Variants in GRIK3 observed in about 807,000 individuals in gnomAD.
The protein encoded by GRIK3 is glutamate receptor ionotropic, kainate 3.
A neutral mutation model predicts 102.5 loss-of-function variants in GRIK3; 29 were observed. That is an observed-to-expected ratio of 0.28 (90% CI 0.21 to 0.39). The LOEUF is 0.39. GRIK3 is among the 10% of genes least tolerant of loss of function. The probability of loss-of-function intolerance (pLI) is 1.00; values close to 1 mark genes in which losing one functional copy is unlikely to be tolerated. For synonymous variants in GRIK3, 511 were observed against 504.9 expected (o/e 1.01, Z -0.16); for missense variants, 908 against 1,252.4 (o/e 0.73, Z 4.15).
rs1195514120 is a variant in GRIK3, at chr1:36,859,135, G to A, written c.1077C>T (p.Gly359=). The A allele has an allele frequency of 3.1e-6, 5 of 1,611,702 alleles. No individual in the cohort carries two copies. The highest frequency in any genetic ancestry group is 2.2e-5 in the East Asian group (1 of 44,808). The change falls in exon 7 of 16, where the codon GGC becomes GGT. Residue 359 remains glycine (G), a synonymous_variant. Coordinates refer to ENST00000373091, the MANE Select transcript of GRIK3 (RefSeq NM_000831.4). The part of the protein sequence containing the change: ...QCHRHKAWRF[G]GRFMNFIKEA... Reference sequence around the variant, plus strand: ...CCTTGATGAAGTTCATGAAGCGGCCGCCAAAGCGCCAGGCCTTGTGCCGAT... The same window carrying A: ...CCTTGATGAAGTTCATGAAGCGGCCACCAAAGCGCCAGGCCTTGTGCCGAT...
At chr1:36,826,550 C>T (rs182802240) in intron 10 of GRIK3, among the ~76,000 whole-genome samples, 15 of 152,098 alleles carry the variant, frequency 9.9e-5, no homozygotes, top group Non-Finnish European at 1.5e-4. Context: ...TGCCTGTAGT[C>T]CCAGCTACTT....
At chr1:37,032,962 C>A (rs904847157) in intron 1 of GRIK3, among the ~76,000 whole-genome samples, 10 of 152,168 alleles carry the variant, frequency 6.6e-5, no homozygotes, top group African/African-American at 2.4e-4. Flanking sequence ...TCGGCGGAGT[C>A]CGGCTCGCCT....
intron 1 of GRIK3, among the ~76,000 whole-genome samples, chr1:36,954,121 AG>A (rs1641876730): frequency 6.6e-6 from 1 of 152,170 alleles, no homozygotes; most frequent in East Asian, 1.9e-4. Context: ...GAACCAGATG[AG>A]GGGCTGTGCC....
At chr1:36,904,120 T>G (rs1370811815) in intron 1 of GRIK3, among the ~76,000 whole-genome samples, 1 of 152,182 alleles carries the variant, frequency 6.6e-6, no homozygotes, top group East Asian at 1.9e-4. Context: ...TGCTGTGAAC[T>G]TAAAACTGCT....
intron 1 of GRIK3, among the ~76,000 whole-genome samples, chr1:36,922,071 G>A (rs984743988): frequency 6.6e-6 from 1 of 152,202 alleles, no homozygotes; most frequent in Non-Finnish European, 1.5e-5. Context: ...CTGAGAGGTG[G>A]GTGTTGGGCA....
chr1:36,996,860 G>A (rs997483907), intron 1 of GRIK3, among the ~76,000 whole-genome samples: 4 of 152,196 alleles, frequency 2.6e-5, no homozygotes, highest in Non-Finnish European at 5.9e-5. Flanking sequence ...GCTCTCAATC[G>A]GGGATGATTC....
At chr1:36,861,284 G>A (rs1231030211) in intron 5 of GRIK3, among the ~76,000 whole-genome samples, 1 of 152,132 alleles carries the variant, frequency 6.6e-6, no homozygotes, top group African/African-American at 2.4e-5. Flanking sequence ...AGTCTAGATT[G>A]GCCCTATCCC....
rs149084837 is a variant in GRIK3 at position 36,806,621 on chromosome 1, T to C, written c.2092-295A>G. On this transcript the variant is annotated intron_variant, in intron 13 of 15. Transcript: ENST00000373091. This position sits in a 1 kb window ranked among gnomAD's most constrained non-coding sequence, Gnocchi z 4.0. ...TTTTTAAACATGGATTTTCTTTCTC[T>C]AAAATTTATTAAAAGTTAGCACGTT... is the stretch of plus-strand genomic sequence containing the variant. Among the ~76,000 whole-genome samples, 4 of 152,354 alleles carry C rather than the reference T, an allele frequency of 2.6e-5. No individual in the cohort carries two copies. Among genetic ancestry groups the C allele is most frequent in the African/African-American group, 9.6e-5 (4 of 41,578 alleles).
chr1:36,919,211 A>C (rs1474091816), intron 1 of GRIK3, among the ~76,000 whole-genome samples: 2 of 152,184 alleles, frequency 1.3e-5, no homozygotes, highest in African/African-American at 2.4e-5. Flanking sequence ...CAAATGGAGA[A>C]ATAACCAACA....
intron 1 of GRIK3, among the ~76,000 whole-genome samples, chr1:36,984,247 C>T (rs1166650244): frequency 6.6e-6 from 1 of 152,216 alleles, no homozygotes; most frequent in Non-Finnish European, 1.5e-5. Flanking sequence ...GGCACACTCA[C>T]ACCCACACAC....
chr1:36,859,948 T>A lies in GRIK3; in HGVS notation c.856A>T (p.Asn286Tyr), dbSNP rs748144521. 1 of 1,613,550 alleles carries A rather than the reference T, an allele frequency of 6.2e-7. No homozygotes were observed. Among genetic ancestry groups the A allele is most frequent in the Non-Finnish European group, 8.5e-7 (1 of 1,179,686 alleles). ...GCCGAGACGTGTGGGTTGTCCACAT[T>A]GAGAATCCGGAATCCTGTCAGGTTC... is the stretch of plus-strand genomic sequence containing the variant. ...GVNLTGFRIL[N>Y]VDNPHVSAIV... The change falls in exon 6 of 16, where the codon AAT (asparagine) becomes TAT (tyrosine). Residue 286 changes from asparagine to tyrosine, a missense_variant. Transcript: ENST00000373091.
chr1:36,975,012 T>A (rs1010586201), intron 1 of GRIK3, among the ~76,000 whole-genome samples: 2 of 152,082 alleles, frequency 1.3e-5, no homozygotes, highest in African/African-American at 4.8e-5. Context: ...AATGGGGAAC[T>A]ATTGTTTCAT....
At chr1:36,998,445 C>A (rs1167653391) in intron 1 of GRIK3, among the ~76,000 whole-genome samples, 1 of 152,212 alleles carries the variant, frequency 6.6e-6, no homozygotes, top group Non-Finnish European at 1.5e-5. Flanking sequence ...CTAGTTGACT[C>A]TGTATCTCTA....
intron 1 of GRIK3, among the ~76,000 whole-genome samples, chr1:36,988,501 G>A (rs914404688): frequency 1.8e-4 from 27 of 152,340 alleles, no homozygotes; most frequent in African/African-American, 4.6e-4. Context: ...AACCGTGGCC[G>A]CCGGCCAGAT....
At chr1:36,847,732 A>G (rs1640534734) in intron 9 of GRIK3, among the ~76,000 whole-genome samples, 1 of 152,246 alleles carries the variant, frequency 6.6e-6, no homozygotes, top group African/African-American at 2.4e-5. Context: ...CAGGGCGGAT[A>G]AGCAATTTCT....
intron 10 of GRIK3, among the ~76,000 whole-genome samples, chr1:36,826,879 GATTCCCTC>G (rs1642760487): frequency 6.6e-6 from 1 of 152,038 alleles, no homozygotes; most frequent in South Asian, 2.1e-4. Flanking sequence ...TAAAAAACTA[GATTCCCTC>G]ATTCCCATCC....
chr1:36,991,026 G>T (rs1305997890), intron 1 of GRIK3, among the ~76,000 whole-genome samples: 1 of 152,146 alleles, frequency 6.6e-6, no homozygotes, highest in Non-Finnish European at 1.5e-5. Context: ...CCTTGGCAGG[G>T]GGCAGAGAGT....
chr1:36,799,450 GCCTTCCCCCCGCTCC>G lies in GRIK3; in HGVS notation c.*2386_*2400del, dbSNP rs1163670084. The G allele has an allele frequency of 6.6e-6, 1 of 152,430 alleles. No homozygotes were observed. Among genetic ancestry groups the G allele is most frequent in the Non-Finnish European group, 1.5e-5 (1 of 68,236 alleles). The allele number at this position is 152,430 out of a possible 1,614,324, so 9.4% of individuals were successfully genotyped here. Reference sequence around the variant, plus strand: ...CATGTCACACGACTCTCTGGTCCTGGCCTTCCCCCCGCTCCCCACTGTGCACACATGCCTGTACAC... The same window carrying G: ...CATGTCACACGACTCTCTGGTCCTGGCCACTGTGCACACATGCCTGTACAC... On this transcript the variant is annotated 3_prime_UTR_variant, in exon 16 of 16. Coordinates refer to ENST00000373091, the MANE Select transcript of GRIK3 (RefSeq NM_000831.4).
intron 11 of GRIK3, among the ~76,000 whole-genome samples, chr1:36,823,085 C>G (rs767885049): frequency 1.3e-5 from 2 of 152,124 alleles, no homozygotes; most frequent in Non-Finnish European, 2.9e-5. Context: ...GCAGCTGTGT[C>G]CAGATCTCCA....
Sources: allele counts gnomAD v4.1 joint callset (sites outside exome capture counted in the v4.1 genomes callset), GRCh38; gene constraint gnomAD v4.1.1; non-coding constraint Gnocchi (gnomAD v3.1); transcripts MANE v1.5; gene names NCBI Gene and HGNC (gene_info 2026-07-23, HGNC 2026-07-21).